The following EXOC4 variants were observed in gnomAD, a reference collection of about 807,000 sequenced individuals.
EXOC4 encodes the protein exocyst complex component 4, also known as SEC8-like 1.
In EXOC4, 71 loss-of-function variants were observed where a neutral mutation model predicts 107.2. That is an observed-to-expected ratio of 0.66 (90% CI 0.55 to 0.81). The LOEUF is 0.81. Among genes scored for constraint, EXOC4 ranks in the 30% least tolerant of loss-of-function variants. The pLI, the probability that EXOC4 is intolerant of heterozygous loss-of-function variation, is 0.00. For missense variants in EXOC4, 1,108 were observed against 1,189.6 expected (o/e 0.93, Z 1.01); for synonymous variants, 456 against 441.2 (o/e 1.03, Z -0.42).
intron 10 of EXOC4, among the ~76,000 whole-genome samples, chr7:133,702,010 T>C (rs1162585699): frequency 7.0e-6 from 1 of 142,340 alleles, no homozygotes; most frequent in African/African-American, 2.6e-5. Flanking sequence ...TTTTTTTTTT[T>C]TTTTTTTTGA....
intron 12 of EXOC4, among the ~76,000 whole-genome samples, chr7:133,912,559 G>A (rs770001774): frequency 6.6e-6 from 1 of 152,216 alleles, no homozygotes; most frequent in Non-Finnish European, 1.5e-5. Context: ...GAATAAAACG[G>A]AAACCATTAA....
At chr7:133,962,003 A>G (rs764552706) in intron 14 of EXOC4, among the ~76,000 whole-genome samples, 5 of 152,256 alleles carry the variant, frequency 3.3e-5, no homozygotes, top group African/African-American at 4.8e-5. Flanking sequence ...TGGTGGAAAC[A>G]GGATTTAAAG....
At chr7:133,513,273 T>A (rs1250374337) in intron 9 of EXOC4, among the ~76,000 whole-genome samples, 1 of 152,208 alleles carries the variant, frequency 6.6e-6, no homozygotes, top group African/African-American at 2.4e-5. Context: ...TTCACCATGT[T>A]GTCCAGGCTG....
intron 9 of EXOC4, chr7:133,576,919 G>A: frequency 8.0e-7 from 1 of 1,252,620 alleles, no homozygotes; most frequent in Non-Finnish European, 1.0e-6. Flanking sequence ...TTGCTTTCCA[G>A]ATCTCTTATT....
intron 11 of EXOC4, among the ~76,000 whole-genome samples, chr7:133,857,651 G>T (rs1798446175): frequency 6.6e-6 from 1 of 151,762 alleles, no homozygotes. Flanking sequence ...CACCCCAGCT[G>T]CTGCGGCAGG....
chr7:133,989,479 G>T (rs1794196438), intron 14 of EXOC4, among the ~76,000 whole-genome samples: 1 of 152,126 alleles, frequency 6.6e-6, no homozygotes, highest in African/African-American at 2.4e-5. Flanking sequence ...CCGGCATTAT[G>T]GATGGACTAA....
chr7:134,032,976 T>C (rs1321884254), intron 17 of EXOC4, among the ~76,000 whole-genome samples: 2 of 151,646 alleles, frequency 1.3e-5, no homozygotes, highest in East Asian at 3.9e-4. Context: ...CTCATTACTG[T>C]ACTTTCACAG....
intron 7 of EXOC4, among the ~76,000 whole-genome samples, chr7:133,383,414 C>A (rs768313354): frequency 1.3e-5 from 2 of 152,264 alleles, no homozygotes; most frequent in Middle Eastern, 3.4e-3. Flanking sequence ...AGCAGTGACA[C>A]CTAGAACAAG....
At chr7:133,792,079 C>G (rs560764596) in intron 10 of EXOC4, among the ~76,000 whole-genome samples, 3 of 152,046 alleles carry the variant, frequency 2.0e-5, no homozygotes, top group South Asian at 4.2e-4. Context: ...CACGTGTATG[C>G]CCAGACCCAG....
chr7:133,289,170 T>C, intron 3 of EXOC4, 54 bp downstream of exon 3: 1 of 1,462,864 alleles, frequency 6.8e-7, no homozygotes, highest in Non-Finnish European at 9.4e-7. Flanking sequence ...AAAAGCACTC[T>C]CTTTTATTCT....
intron 14 of EXOC4, among the ~76,000 whole-genome samples, chr7:133,963,195 T>C (rs1361057026): frequency 6.6e-6 from 1 of 152,242 alleles, no homozygotes; most frequent in African/African-American, 2.4e-5. Flanking sequence ...AGATCAGGTA[T>C]CACAGAAAGG....
chr7:133,706,852 A>G (rs1314167912), intron 10 of EXOC4, among the ~76,000 whole-genome samples: 6 of 152,156 alleles, frequency 3.9e-5, no homozygotes, highest in Admixed American at 2.6e-4. Flanking sequence ...CACTAATCCC[A>G]TCATGAGATC....
intron 10 of EXOC4, among the ~76,000 whole-genome samples, chr7:133,644,273 T>C (rs765998809): frequency 2.0e-5 from 3 of 152,236 alleles, no homozygotes; most frequent in Non-Finnish European, 4.4e-5. Flanking sequence ...TTCTGATTGC[T>C]GCTCTGCCCT....
intron 10 of EXOC4, among the ~76,000 whole-genome samples, chr7:133,755,260 TATATTATATATATTATATATATTATATAC>T (rs1285344780): frequency 1.1e-4 from 10 of 91,108 alleles, no homozygotes; most frequent in Admixed American, 4.7e-4. Flanking sequence ...ATATTATATA[TATATTATATATATTATATATATTATATAC>T]ATATTATATA....
chr7:133,566,720 T>C lies in EXOC4; in HGVS notation c.1418-63325T>C, dbSNP rs561257201. Among the ~76,000 whole-genome samples, 242 of 152,344 alleles carry C rather than the reference T, an allele frequency of 1.6e-3. 1 individual carries two copies. The highest frequency in any genetic ancestry group is 5.5e-3 in the African/African-American group (228 of 41,588). ...TGTTGTTTGTTTTATCCTTAATGTCTAAAACAGTACCTTTCATAGAATAGA... is the reference window on the plus strand; with the variant it reads ...TGTTGTTTGTTTTATCCTTAATGTCCAAAACAGTACCTTTCATAGAATAGA... On this transcript the variant is annotated intron_variant, in intron 9 of 17. Transcript: ENST00000253861.
chr7:133,360,683 G>A (rs1382411396), intron 6 of EXOC4, among the ~76,000 whole-genome samples: 4 of 152,176 alleles, frequency 2.6e-5, no homozygotes, highest in Non-Finnish European at 5.9e-5. Context: ...AATGCTAAAA[G>A]TAGTTGTGTT....
At chr7:133,448,326 C>T (rs1020817650) in intron 7 of EXOC4, among the ~76,000 whole-genome samples, 3 of 151,784 alleles carry the variant, frequency 2.0e-5, no homozygotes, top group African/African-American at 7.3e-5. Context: ...GAGACATGGT[C>T]TTGCTCTGTC....
intron 10 of EXOC4, among the ~76,000 whole-genome samples, chr7:133,633,169 A>G (rs1802630142): frequency 6.6e-6 from 1 of 152,162 alleles, no homozygotes; most frequent in South Asian, 2.1e-4. Flanking sequence ...AACACCACAT[A>G]TTGGCGAGGA....
At chr7:133,416,162 G>GA (rs1563057310) in intron 7 of EXOC4, among the ~76,000 whole-genome samples, 1 of 152,104 alleles carries the variant, frequency 6.6e-6, no homozygotes, top group Non-Finnish European at 1.5e-5. Context: ...TGCTCTATGA[G>GA]AAAAAAAGAC....
Sources: gnomAD v4.1 joint callset for allele counts (sites outside exome capture counted in the v4.1 genomes callset) on GRCh38, gnomAD v4.1.1 for gene constraint, MANE v1.5 for transcripts, NCBI Gene and HGNC (gene_info 2026-07-23, HGNC 2026-07-21) for gene names.